KCNIP1: variants seen among roughly 807,000 people sequenced by gnomAD.
KCNIP1 encodes potassium voltage-gated channel interacting protein 1.
In KCNIP1, 18 loss-of-function variants were observed where a neutral mutation model predicts 33.0. That is an observed-to-expected ratio of 0.55 (90% CI 0.38 to 0.81). The LOEUF is 0.81. Among genes scored for constraint, KCNIP1 ranks in the 30% least tolerant of loss-of-function variants. KCNIP1 has a pLI of 0.00. For synonymous variants in KCNIP1, 93 were observed against 98.3 expected (o/e 0.95, Z 0.32); for missense variants, 238 against 271.6 (o/e 0.88, Z 0.87).
At chr5:170,574,891 G>A (rs917556530) in intron 1 of KCNIP1, among the ~76,000 whole-genome samples, 1 of 152,154 alleles carries the variant, frequency 6.6e-6, no homozygotes, top group Non-Finnish European at 1.5e-5. Flanking sequence ...GAAACGTGCC[G>A]ATTCCACACA....
At chr5:170,680,119 C>T (rs922345443) in intron 1 of KCNIP1, among the ~76,000 whole-genome samples, 2 of 152,176 alleles carry the variant, frequency 1.3e-5, no homozygotes, top group African/African-American at 2.4e-5. Context: ...TGTTCCCACA[C>T]TTTACACAGG....
At chr5:170,567,340 T>C (rs1354248611) in intron 1 of KCNIP1, among the ~76,000 whole-genome samples, 1 of 152,052 alleles carries the variant, frequency 6.6e-6, no homozygotes, top group African/African-American at 2.4e-5. Context: ...AACCCTGATC[T>C]AAGGATGAGT....
At chr5:170,692,641 A>T (rs1762758669) in intron 1 of KCNIP1, among the ~76,000 whole-genome samples, 1 of 152,210 alleles carries the variant, frequency 6.6e-6, no homozygotes, top group Admixed American at 6.5e-5. Context: ...GGATACTAAT[A>T]TCACCTCCCA....
intron 1 of KCNIP1, among the ~76,000 whole-genome samples, chr5:170,391,115 T>C (rs2113363938): frequency 6.6e-6 from 1 of 152,314 alleles, no homozygotes; most frequent in East Asian, 1.9e-4. Flanking sequence ...ATGTAGGATC[T>C]GGAATTCAAT....
intron 1 of KCNIP1, among the ~76,000 whole-genome samples, chr5:170,586,095 A>T (rs891333521): frequency 5.3e-5 from 8 of 152,318 alleles, no homozygotes; most frequent in African/African-American, 1.9e-4. Flanking sequence ...AAATGGGGAT[A>T]ATTAATACCC....
chr5:170,395,617 A>C (rs1450674234), intron 1 of KCNIP1, among the ~76,000 whole-genome samples: 2 of 152,228 alleles, frequency 1.3e-5, no homozygotes, highest in African/African-American at 4.8e-5. Flanking sequence ...ATCTATAAGC[A>C]CAAAGTTTGG....
intron 1 of KCNIP1, among the ~76,000 whole-genome samples, chr5:170,569,836 A>G (rs1432392792): frequency 1.3e-5 from 2 of 152,290 alleles, no homozygotes; most frequent in East Asian, 3.9e-4. Context: ...TTCCATCCAG[A>G]CAAAGAAGTT....
At chr5:170,718,307 T>C (rs1268171849) in intron 1 of KCNIP1, among the ~76,000 whole-genome samples, 1 of 152,222 alleles carries the variant, frequency 6.6e-6, no homozygotes, top group Non-Finnish European at 1.5e-5. Context: ...ATGCTATCCA[T>C]TCCTAGTTGG....
intron 1 of KCNIP1, among the ~76,000 whole-genome samples, chr5:170,391,812 C>T (rs937588592): frequency 1.3e-5 from 2 of 152,180 alleles, no homozygotes; most frequent in African/African-American, 4.8e-5. Context: ...TACCTAGCCC[C>T]TCAGTGTTTT....
At chr5:170,634,600 AG>A (rs1760211828) in intron 1 of KCNIP1, among the ~76,000 whole-genome samples, 1 of 152,166 alleles carries the variant, frequency 6.6e-6, no homozygotes, top group African/African-American at 2.4e-5. Context: ...GAGCTCTCCC[AG>A]GGAGTGTGTG....
intron 1 of KCNIP1, among the ~76,000 whole-genome samples, chr5:170,623,853 T>C (rs1017459038): frequency 1.8e-4 from 28 of 152,206 alleles, no homozygotes; most frequent in African/African-American, 6.5e-4. Flanking sequence ...TTGGGGGCCC[T>C]GAGCCTCCAG....
Position 170,623,567 on chromosome 5 carries a change from A to G in KCNIP1, c.62-95191A>G, listed in dbSNP as rs535955471. On this transcript the variant is annotated intron_variant, in intron 1 of 7. Coordinates refer to ENST00000328939, the MANE Select transcript of KCNIP1 (RefSeq NM_014592.4). ...TGTGATACTTTGTTATGGTGACCCTAAGAGGCAAATACACCCTCCTTTCCC... is the reference window on the plus strand; with the variant it reads ...TGTGATACTTTGTTATGGTGACCCTGAGAGGCAAATACACCCTCCTTTCCC... Among the ~76,000 whole-genome samples the G allele has an allele frequency of 7.2e-5, 11 of 152,204 alleles. 1 individual carries two copies. Among genetic ancestry groups the G allele is most frequent in the African/African-American group, 1.9e-4 (8 of 41,522 alleles).
chr5:170,513,964 G>C (rs945139022), intron 1 of KCNIP1, among the ~76,000 whole-genome samples: 2 of 152,218 alleles, frequency 1.3e-5, no homozygotes, highest in African/African-American at 4.8e-5. Context: ...ACTTTGCAGA[G>C]TAGGAAACGT....
intron 1 of KCNIP1, among the ~76,000 whole-genome samples, chr5:170,700,795 CCAGT>C (rs1403450587): frequency 6.6e-6 from 1 of 152,142 alleles, no homozygotes; most frequent in East Asian, 1.9e-4. Flanking sequence ...CTAGGCAATG[CCAGT>C]CACATAGTCC....
At chr5:170,379,101 T>A in intron 1 of KCNIP1, 1 of 1,161,028 alleles carries the variant, frequency 8.6e-7, no homozygotes. Context: ...GGCTTTGGTC[T>A]AAAGCTTGGC....
intron 1 of KCNIP1, among the ~76,000 whole-genome samples, chr5:170,435,171 G>T (rs370693090): frequency 6.6e-6 from 1 of 152,212 alleles, no homozygotes; most frequent in South Asian, 2.1e-4. Context: ...ACCACCTGGT[G>T]CCCAGCAGAG....
intron 1 of KCNIP1, among the ~76,000 whole-genome samples, chr5:170,395,040 A>G (rs967863718): frequency 6.6e-6 from 1 of 152,174 alleles, no homozygotes; most frequent in Non-Finnish European, 1.5e-5. Context: ...GCTATTGTGA[A>G]TAGTGCGGCA....
chr5:170,567,906 C>T (rs115462632), intron 1 of KCNIP1, among the ~76,000 whole-genome samples: 2,292 of 152,266 alleles, frequency 0.015, 64 homozygotes, highest in African/African-American at 0.051. Context: ...CTGCCCTGGG[C>T]CCAGGCTACA....
chr5:170,439,889 C>T (rs535217111), intron 1 of KCNIP1, among the ~76,000 whole-genome samples: 15 of 152,340 alleles, frequency 9.8e-5, no homozygotes, highest in African/African-American at 3.6e-4. Flanking sequence ...CCATCCCTTC[C>T]TTCATACAAC....
Sources: gnomAD v4.1 joint callset for allele counts (sites outside exome capture counted in the v4.1 genomes callset) on GRCh38, gnomAD v4.1.1 for gene constraint, MANE v1.5 for transcripts, NCBI Gene and HGNC (gene_info 2026-07-23, HGNC 2026-07-21) for gene names.